The following SCUBE1 variants were observed in gnomAD, a reference collection of about 807,000 sequenced individuals.
The protein encoded by SCUBE1 is signal peptide, CUB and EGF-like domain-containing protein 1.
A neutral mutation model predicts 124.4 loss-of-function variants in SCUBE1; 59 were observed. The observed-to-expected ratio is 0.47, with a 90% CI of 0.38 to 0.59. The LOEUF (loss-of-function observed/expected upper bound fraction) is 0.59, where lower values mean the gene tolerates loss of function less well. Ranked by LOEUF, SCUBE1 falls within the 20% of genes least tolerant of loss-of-function variation. SCUBE1 has a pLI of 0.00. For synonymous variants in SCUBE1, 545 were observed against 550.9 expected (o/e 0.99, Z 0.15); for missense variants, 1,150 against 1,371.2 (o/e 0.84, Z 2.55).
intron 6 of SCUBE1, among the ~76,000 whole-genome samples, chr22:43,246,313 G>A (rs1299557577): frequency 6.6e-6 from 1 of 152,144 alleles, no homozygotes; most frequent in Non-Finnish European, 1.5e-5. Context: ...GAGGCATCAT[G>A]GCCGTGCCCC....
chr22:43,295,628 G>A (rs1020705584), intron 3 of SCUBE1, among the ~76,000 whole-genome samples: 5 of 152,196 alleles, frequency 3.3e-5, no homozygotes, highest in African/African-American at 4.8e-5. Context: ...AATCCGCTGC[G>A]GCTGCTCTCT....
In SCUBE1 at chr22:43,218,306, C is replaced by T. The variant is rs1280459852; in HGVS notation, c.1840G>A (p.Glu614Lys). The change falls in exon 15 of 22, where the codon GAG becomes AAG. Residue 614 changes from glutamate to lysine, a missense_variant. Around this residue, in one of 3 missense-constraint regions of SCUBE1, gnomAD observed 757 missense variants for 840.9 expected, o/e 0.90. Coordinates refer to ENST00000360835, the MANE Select transcript of SCUBE1 (RefSeq NM_173050.5). ...CCTGCGCCACATGCCCCCTGCCCCTCCAGCGCCTTGGCTGGCCTCTGGGCT... is the reference window on the plus strand; with the variant it reads ...CCTGCGCCACATGCCCCCTGCCCCTTCAGCGCCTTGGCTGGCCTCTGGGCT... Reference protein sequence around the residue: ...EVAQRPAKALEGQGACGAGQV... With the variant: ...EVAQRPAKALKGQGACGAGQV... The T allele has an allele frequency of 5.6e-6, 9 of 1,613,404 alleles. No individual in the cohort carries two copies. Among genetic ancestry groups the T allele is most frequent in the Non-Finnish European group, 7.6e-6 (9 of 1,180,036 alleles).
chr22:43,244,183 C>A (rs1371851130), intron 6 of SCUBE1, among the ~76,000 whole-genome samples: 1 of 152,194 alleles, frequency 6.6e-6, no homozygotes, highest in African/African-American at 2.4e-5. Context: ...CCCCGCCACA[C>A]CCCAGCACGG....
chr22:43,313,800 A>G (rs60048767), intron 3 of SCUBE1, among the ~76,000 whole-genome samples: 2,698 of 152,330 alleles, frequency 0.018, 95 homozygotes, highest in African/African-American at 0.062. Context: ...AACCTCGCTT[A>G]CTCGAAAGAA....
chr22:43,267,612 T>C (rs1004456435), intron 4 of SCUBE1, among the ~76,000 whole-genome samples: 9 of 152,058 alleles, frequency 5.9e-5, no homozygotes, highest in Admixed American at 3.3e-4. Flanking sequence ...ACTAGCAGGG[T>C]CTAAGGGTGG....
intron 19 of SCUBE1, among the ~76,000 whole-genome samples, chr22:43,209,784 G>A (rs1921461648): frequency 6.6e-6 from 1 of 152,208 alleles, no homozygotes; most frequent in South Asian, 2.1e-4. Flanking sequence ...TTGAGACCAG[G>A]CCTGACCATG....
intron 15 of SCUBE1, among the ~76,000 whole-genome samples, chr22:43,217,536 AGAGCGCGCAT>A (rs1569497740): frequency 6.6e-6 from 1 of 152,060 alleles, no homozygotes; most frequent in African/African-American, 2.4e-5. Context: ...CCTTCCCGTA[AGAGCGCGCAT>A]GAGCCTGCGT....
At chr22:43,205,386 G>C (rs1921181375) in intron 21 of SCUBE1, among the ~76,000 whole-genome samples, 1 of 152,068 alleles carries the variant, frequency 6.6e-6, no homozygotes, top group African/African-American at 2.4e-5. Flanking sequence ...CTATGGAGCA[G>C]AGGTGAGGCC....
rs185565828 is a variant in SCUBE1 at position 43,266,850 on chromosome 22, G to A, written c.485-4005C>T. 1.3e-4 allele frequency among the ~76,000 whole-genome samples: 20 copies of A among 152,288 alleles called. No individual in the cohort carries two copies. In the East Asian group the frequency reaches 2.7e-3, roughly 21 times the overall value. ...AGATGCTACGTCCCCTGAAGCTCTC[G>A]GAGCAGCCCCTCCACGAAGCACATA... is the stretch of plus-strand genomic sequence containing the variant. On this transcript the variant is annotated intron_variant, in intron 4 of 21. Coordinates refer to ENST00000360835, the MANE Select transcript of SCUBE1 (RefSeq NM_173050.5).
At chr22:43,228,975 T>G in intron 9 of SCUBE1, 97 bp downstream of exon 9, 1 of 868,998 alleles carries the variant, frequency 1.2e-6, no homozygotes, top group Non-Finnish European at 1.8e-6. Context: ...CCCCCCAGGG[T>G]TGAGGGCAGG....
At chr22:43,254,127 C>T (rs1004921613) in intron 6 of SCUBE1, among the ~76,000 whole-genome samples, 1 of 152,256 alleles carries the variant, frequency 6.6e-6, no homozygotes, top group African/African-American at 2.4e-5. Context: ...ACAAGACAGA[C>T]CTGTCCAGAG....
At chr22:43,206,160 C>A (rs1312355944) in intron 21 of SCUBE1, among the ~76,000 whole-genome samples, 2 of 138,606 alleles carry the variant, frequency 1.4e-5, no homozygotes, top group Non-Finnish European at 3.2e-5. Flanking sequence ...ACACACCCCC[C>A]CAAACACACC....
intron 16 of SCUBE1, 37 bp downstream of exon 16, chr22:43,214,053 C>CT (rs762880986): frequency 6.3e-6 from 2 of 319,616 alleles, no homozygotes. Flanking sequence ...CCCCGCCCAC[C>CT]CCCCACCCCC....
intron 4 of SCUBE1, among the ~76,000 whole-genome samples, chr22:43,286,437 G>T (rs1028119424): frequency 6.6e-6 from 1 of 152,256 alleles, no homozygotes; most frequent in Non-Finnish European, 1.5e-5. Flanking sequence ...CGTCTGATGA[G>T]GCTTCAGAGC....
chr22:43,241,906 G>A (rs1923020267), intron 6 of SCUBE1, among the ~76,000 whole-genome samples: 1 of 152,258 alleles, frequency 6.6e-6, no homozygotes, highest in African/African-American at 2.4e-5. Flanking sequence ...GTCAAGTGGA[G>A]GGAGCAGTCT....
rs746112659 is a variant in SCUBE1, at chr22:43,223,147, C to T, written c.1277G>A (p.Gly426Asp). The T allele has an allele frequency of 5.1e-6, 8 of 1,558,868 alleles. No homozygotes were observed. The Admixed American group carries it at 9.0e-5, about 17-fold the overall frequency. Residue 426 changes from glycine to aspartate, a missense_variant, in exon 11 of 22, where the codon GGT becomes GAT. Coordinates refer to ENST00000360835, the MANE Select transcript of SCUBE1 (RefSeq NM_173050.5). ...GCAGGAAAGGAAGCAGCTCTCCACA[C>T]CGCCTGCCTTGCTGCAGGACAGCTG... Reference protein sequence around the residue: ...RAQLSCSKAGGVESCFLSCPA... With the variant: ...RAQLSCSKAGDVESCFLSCPA...
rs1056252584 is a variant in SCUBE1 at position 43,273,561 on chromosome 22, C to CTTTT, written c.485-10720_485-10717dup. ...TATAAAGTGGGGAGACTAAAACCCT[C>CTTTT]TTTTTTTTTTTTTTTTTTTTTTTTG... On this transcript the variant is annotated intron_variant, in intron 4 of 21. Transcript: ENST00000360835. Among the ~76,000 whole-genome samples, 322 of 60,960 alleles carry CTTTT rather than the reference C, an allele frequency of 5.3e-3. 10 individuals carry two copies. The highest frequency in any genetic ancestry group is 0.021 in the East Asian group (50 of 2,392). The allele number at this position is 60,960 out of a possible 152,430, so 40.0% of individuals were successfully genotyped here. A position where few individuals can be genotyped will look rare whatever the true frequency, so the allele number is the denominator to read the frequency against.
At chr22:43,214,772 C>T (rs945446445) in intron 15 of SCUBE1, among the ~76,000 whole-genome samples, 8 of 152,162 alleles carry the variant, frequency 5.3e-5, no homozygotes, top group East Asian at 3.8e-4. Flanking sequence ...CTGAAGACAG[C>T]GCAGTCTGGT....
chr22:43,328,179 C>T (rs112717488), intron 2 of SCUBE1, among the ~76,000 whole-genome samples: 1,808 of 152,314 alleles, frequency 0.012, 29 homozygotes, highest in African/African-American at 0.042. Flanking sequence ...CAAAAATGCC[C>T]TGAAGCCCTT....
Sources: gnomAD v4.1 joint callset for allele counts (sites outside exome capture counted in the v4.1 genomes callset) on GRCh38, gnomAD v4.1.1 for gene constraint, gnomAD v4.1.1 regional missense constraint, MANE v1.5 for transcripts, NCBI Gene and HGNC (gene_info 2026-07-23, HGNC 2026-07-21) for gene names.